Variants in ZNF652 observed in about 807,000 individuals in gnomAD.
ZNF652 encodes zinc finger protein 652.
ZNF652 carries 16 observed loss-of-function variants against 45.2 expected under a neutral mutation model. The ratio of observed to expected loss-of-function variants is 0.35; its 90% CI spans 0.24 to 0.54. The LOEUF is 0.54. Among genes scored for constraint, ZNF652 ranks in the 20% least tolerant of loss-of-function variants. ZNF652 has a pLI of 0.91. For missense variants in ZNF652, 614 were observed against 765.6 expected (o/e 0.80, Z 2.34); for synonymous variants, 250 against 260.6 (o/e 0.96, Z 0.39).
chr17:49,317,674 GCA>G lies in ZNF652; in HGVS notation c.50_51del (p.Val17AlafsTer10), dbSNP rs1224773607. 9 of 1,609,186 alleles carry G rather than the reference GCA, an allele frequency of 5.6e-6. No individual in the cohort carries two copies. The highest frequency in any genetic ancestry group is 1.3e-5 in the African/African-American group (1 of 74,922). ...SCQELVENCAVHVAGMAQEDS... is the reference protein window; with the variant it reads ...SCQELVENCAXHVAGMAQEDS... Reference sequence around the variant, plus strand: ...TCTTCTTGTGCCATTCCTGCTACATGCACAGCACAGTTTTCAACCAGCTCCTG... The same window carrying G: ...TCTTCTTGTGCCATTCCTGCTACATGCAGCACAGTTTTCAACCAGCTCCTG... On this transcript the variant is annotated frameshift_variant, in exon 2 of 6. Transcript: ENST00000430262. LOFTEE classifies it high-confidence loss of function.
chr17:49,290,250 G>A lies in ZNF652; in HGVS notation c.*8163C>T, dbSNP rs1048135927. On this transcript the variant is annotated 3_prime_UTR_variant, in exon 6 of 6. Coordinates refer to ENST00000430262, the MANE Select transcript of ZNF652 (RefSeq NM_001145365.3). Reference sequence around the variant, plus strand: ...GGCTCTACAGGGGGTAATATTTACTGTCGTCTTTTCCCTTCCCAGGTTGAT... The same window carrying A: ...GGCTCTACAGGGGGTAATATTTACTATCGTCTTTTCCCTTCCCAGGTTGAT... 1 of 152,190 alleles carries A rather than the reference G, an allele frequency of 6.6e-6. No homozygotes were observed. The highest frequency in any genetic ancestry group is 2.4e-5 in the African/African-American group (1 of 41,430). 9.4% of individuals were successfully genotyped at this position (152,190 alleles called of 1,614,324 possible).
chr17:49,355,212 A>T (rs2070322722), intron 1 of ZNF652, among the ~76,000 whole-genome samples: 1 of 152,022 alleles, frequency 6.6e-6, no homozygotes, highest in African/African-American at 2.4e-5. Context: ...TTACTTATAA[A>T]AGTTACATTA....
chr17:49,350,970 C>CATATAT (rs372720324), intron 1 of ZNF652, among the ~76,000 whole-genome samples: 161 of 42,042 alleles, frequency 3.8e-3, no homozygotes, highest in Middle Eastern at 0.017. Context: ...ACTCTGTCTA[C>CATATAT]ATATATATAT....
chr17:49,300,371 T>C (rs1251955804), intron 5 of ZNF652, among the ~76,000 whole-genome samples: 2 of 151,786 alleles, frequency 1.3e-5, no homozygotes, highest in Non-Finnish European at 2.9e-5. Flanking sequence ...GGCCAGCGAG[T>C]CAAAACAGGA....
intron 2 of ZNF652, among the ~76,000 whole-genome samples, chr17:49,313,927 G>A (rs1231547210): frequency 9.3e-5 from 11 of 118,414 alleles, no homozygotes; most frequent in East Asian, 8.9e-4. Flanking sequence ...AGCCGAGATC[G>A]TGCCATTGCA....
chr17:49,357,024 C>G (rs906727178), intron 1 of ZNF652, among the ~76,000 whole-genome samples: 5 of 149,414 alleles, frequency 3.3e-5, no homozygotes, highest in African/African-American at 1.2e-4. Context: ...AGAGGCTGGG[C>G]ACAGTGGCTC....
intron 5 of ZNF652, among the ~76,000 whole-genome samples, chr17:49,309,774 C>T (rs1267212366): frequency 6.6e-6 from 1 of 152,076 alleles, no homozygotes; most frequent in Non-Finnish European, 1.5e-5. Context: ...GACTCTTCAT[C>T]TAGACTAAAA....
chr17:49,329,968 T>C (rs1232376716), intron 1 of ZNF652, among the ~76,000 whole-genome samples: 1 of 152,198 alleles, frequency 6.6e-6, no homozygotes, highest in Non-Finnish European at 1.5e-5. Context: ...AGAAATCAAA[T>C]ACTAATTAAG....
At chr17:49,328,080 C>T (rs1335215841) in intron 1 of ZNF652, among the ~76,000 whole-genome samples, 2 of 151,770 alleles carry the variant, frequency 1.3e-5, no homozygotes, top group African/African-American at 2.4e-5. Flanking sequence ...TGGAGATAGT[C>T]GTAGTTCTAC....
chr17:49,306,492 G>C (rs1048519785), intron 5 of ZNF652, among the ~76,000 whole-genome samples: 1 of 151,958 alleles, frequency 6.6e-6, no homozygotes, highest in Non-Finnish European at 1.5e-5. Context: ...ATGGTGTCTC[G>C]CTATATTGCC....
chr17:49,351,327 T>C (rs1166910230), intron 1 of ZNF652, among the ~76,000 whole-genome samples: 1 of 151,990 alleles, frequency 6.6e-6, no homozygotes, highest in African/African-American at 2.4e-5. Context: ...AACGTGCATA[T>C]TTTTGGATGT....
intron 1 of ZNF652, among the ~76,000 whole-genome samples, chr17:49,325,060 A>T (rs2069942412): frequency 6.6e-6 from 1 of 152,066 alleles, no homozygotes; most frequent in African/African-American, 2.4e-5. Context: ...AGCACTTTTA[A>T]ATTTCCTTCA....
rs1395596539 is a variant in ZNF652, at chr17:49,351,005, A to G, written c.-259+10904T>C. Among the ~76,000 whole-genome samples, 68 of 21,550 alleles carry G rather than the reference A, an allele frequency of 3.2e-3. 2 individuals carry two copies. The highest frequency in any genetic ancestry group is 5.1e-3 in the Admixed American group (12 of 2,342). The allele number at this position is 21,550 out of a possible 152,430, so 14.1% of individuals were successfully genotyped here. Reference sequence around the variant, plus strand: ...TATATATATATATATATATATATATATATATATATACACACACACACACAC... The same window carrying G: ...TATATATATATATATATATATATATGTATATATATACACACACACACACAC... On this transcript the variant is annotated intron_variant, in intron 1 of 5. Transcript: ENST00000430262.
chr17:49,358,148 A>C (rs2070356979), intron 1 of ZNF652, among the ~76,000 whole-genome samples: 1 of 152,240 alleles, frequency 6.6e-6, no homozygotes. Context: ...GAGGAAACTG[A>C]GGCCAGAGAG....
intron 1 of ZNF652, among the ~76,000 whole-genome samples, chr17:49,348,791 T>G (rs992008463): frequency 1.3e-5 from 2 of 152,088 alleles, no homozygotes; most frequent in African/African-American, 2.4e-5. Flanking sequence ...GCAATCCTCC[T>G]GCCATGGCCT....
chr17:49,311,205 G>A lies in ZNF652; in HGVS notation c.1309+107C>T, dbSNP rs2069706825. ...TAGGTTTATTTAAAGTGGGATTTTT[G>A]CTTTGAATGCAAATTTGTGGTTTTG... On this transcript the variant is annotated intron_variant, in intron 5 of 5. Transcript: ENST00000430262. The A allele has an allele frequency of 4.1e-6, 5 of 1,213,862 alleles. 1 individual carries two copies. Among genetic ancestry groups the A allele is most frequent in the South Asian group, 3.2e-5 (2 of 61,940 alleles). The allele number at this position is 1,213,862 out of a possible 1,614,324, so 75.2% of individuals were successfully genotyped here.
intron 1 of ZNF652, among the ~76,000 whole-genome samples, chr17:49,351,014 TACACACACACACACAC>T (rs370792940): frequency 0.025 from 741 of 29,614 alleles, 33 homozygotes; most frequent in African/African-American, 0.068. Context: ...TATATATATA[TACACACACACACACAC>T]ACACACACAC....
At chr17:49,299,182 T>C (rs2069518798) in intron 5 of ZNF652, among the ~76,000 whole-genome samples, 1 of 151,926 alleles carries the variant, frequency 6.6e-6, no homozygotes, top group Non-Finnish European at 1.5e-5. Context: ...TCACAGTAGA[T>C]ACAACTAAAA....
Position 49,359,185 on chromosome 17 carries a change from T to G in ZNF652, c.-259+2724A>C, listed in dbSNP as rs148619464. Among the ~76,000 whole-genome samples the G allele has an allele frequency of 5.8e-3, 882 of 152,322 alleles. 10 individuals are homozygous for G. Among genetic ancestry groups the G allele is most frequent in the African/African-American group, 0.02 (849 of 41,564 alleles). On this transcript the variant is annotated intron_variant, in intron 1 of 5. Coordinates refer to ENST00000430262, the MANE Select transcript of ZNF652 (RefSeq NM_001145365.3). Reference sequence around the variant, plus strand: ...AAAGAAAAGTAACCTACTTGCAACTTTGAAATGGTTTGGGTTTAGAATAGC... The same window carrying G: ...AAAGAAAAGTAACCTACTTGCAACTGTGAAATGGTTTGGGTTTAGAATAGC...
Sources: allele counts gnomAD v4.1 joint callset (sites outside exome capture counted in the v4.1 genomes callset), GRCh38; gene constraint gnomAD v4.1.1; transcripts MANE v1.5; gene names NCBI Gene and HGNC (gene_info 2026-07-23, HGNC 2026-07-21).